CTBP2: variants seen among roughly 807,000 people sequenced by gnomAD.
The protein encoded by CTBP2 is C-terminal-binding protein 2.
A neutral mutation model predicts 80.3 loss-of-function variants in CTBP2; 30 were observed. That is an observed-to-expected ratio of 0.37 (90% confidence interval 0.28 to 0.51). CTBP2 has a LOEUF of 0.51. CTBP2 is among the 20% of genes least tolerant of loss of function. The probability of loss-of-function intolerance (pLI) is 0.93; values close to 1 mark genes in which losing one functional copy is unlikely to be tolerated. For synonymous variants in CTBP2, 594 were observed against 587.4 expected (o/e 1.01, Z -0.16); for missense variants, 1,212 against 1,375.3 (o/e 0.88, Z 1.88).
chr10:125,045,591 C>G (rs1040174154), intron 2 of CTBP2, among the ~76,000 whole-genome samples: 2 of 152,034 alleles, frequency 1.3e-5, no homozygotes, highest in African/African-American at 4.8e-5. Flanking sequence ...CTCCACTTCT[C>G]GAGTTCAAGT....
chr10:125,101,340 G>A (rs936133347), intron 2 of CTBP2, among the ~76,000 whole-genome samples: 8 of 152,194 alleles, frequency 5.3e-5, no homozygotes, highest in Non-Finnish European at 1.0e-4. Context: ...CAGGCAAATT[G>A]CAGAGACCTC....
At chr10:125,016,762 C>G (rs574658734) in intron 1 of CTBP2, among the ~76,000 whole-genome samples, 4 of 152,272 alleles carry the variant, frequency 2.6e-5, no homozygotes, top group Non-Finnish European at 5.9e-5. Flanking sequence ...GCCGCCTCCA[C>G]TCTTCTTTCT....
intron 1 of CTBP2, among the ~76,000 whole-genome samples, chr10:125,024,232 C>T (rs747005119): frequency 1.6e-4 from 25 of 152,234 alleles, no homozygotes; most frequent in Non-Finnish European, 3.1e-4. Context: ...GCCCCCTTCC[C>T]GACAGGGTGT....
intron 2 of CTBP2, among the ~76,000 whole-genome samples, chr10:125,086,529 C>T (rs745612818): frequency 1.1e-4 from 16 of 149,754 alleles, no homozygotes; most frequent in Non-Finnish European, 2.2e-4. Context: ...GCAGGAGAAT[C>T]GCTTGAACCT....
chr10:125,053,971 G>A (rs1039867902), intron 2 of CTBP2, among the ~76,000 whole-genome samples: 1 of 152,134 alleles, frequency 6.6e-6, no homozygotes, highest in African/African-American at 2.4e-5. Flanking sequence ...GGACTTCTGG[G>A]GAATCCGAAG....
At chr10:125,017,401 C>G (rs1447568520) in intron 1 of CTBP2, among the ~76,000 whole-genome samples, 1 of 152,160 alleles carries the variant, frequency 6.6e-6, no homozygotes, top group African/African-American at 2.4e-5. Context: ...TCTATGTGAT[C>G]AGTTTCCCTC....
Position 125,082,337 on chromosome 10 carries a change from G to C in CTBP2, c.-102+28653C>G, listed in dbSNP as rs191160798. Among the ~76,000 whole-genome samples the C allele has an allele frequency of 1.3e-3, 194 of 152,350 alleles. No homozygotes were observed. The Middle Eastern group carries it at 0.014, about 11-fold the overall frequency. On this transcript the variant is annotated intron_variant, in intron 2 of 10. Transcript: ENST00000337195. ...CCATGCTCCTTACAGCCAATGGGCA[G>C]ATTCACCTTGGAGATGCTGCCCTTC...
intron 2 of CTBP2, among the ~76,000 whole-genome samples, chr10:125,084,155 A>G (rs1370399203): frequency 1.3e-5 from 2 of 152,110 alleles, no homozygotes; most frequent in Non-Finnish European, 2.9e-5. Context: ...GATGTTATGT[A>G]TGTTGCCCAT....
intron 1 of CTBP2, among the ~76,000 whole-genome samples, chr10:125,154,004 G>A (rs1860480628): frequency 6.6e-6 from 1 of 152,198 alleles, no homozygotes; most frequent in Non-Finnish European, 1.5e-5. Context: ...CCAGGCTTCT[G>A]CCACAACGTG....
In CTBP2 at chr10:124,987,610, T is replaced by C. The variant is rs530514810; in HGVS notation, c.*1908A>G. 15 of 152,268 alleles carry C rather than the reference T, an allele frequency of 9.9e-5. No homozygotes were observed. The highest frequency in any genetic ancestry group is 3.6e-4 in the African/African-American group (15 of 41,564). 9.4% of individuals were successfully genotyped at this position (152,268 alleles called of 1,614,324 possible). ...ACTACCTTTTTGTTCCCTGGGGTAA[T>C]AGGTCAGTAACTATGAGCGCCGTCT... On this transcript the variant is annotated 3_prime_UTR_variant, in exon 9 of 9. Coordinates refer to ENST00000309035, the MANE Select transcript of CTBP2 (RefSeq NM_022802.3).
rs1952064404 is a variant in CTBP2, at chr10:124,986,993, G to A, written c.*2525C>T. On this transcript the variant is annotated 3_prime_UTR_variant, in exon 9 of 9. Transcript: ENST00000309035. ...ATTTATTTATTTATTATCAATCAGT[G>A]ACCCTGACCACATAGTGTGATAGGT... 6.6e-6 allele frequency: 1 copy of A among 150,398 alleles called. No individual in the cohort carries two copies. The highest frequency in any genetic ancestry group is 1.5e-5 in the Non-Finnish European group (1 of 67,078). The allele number at this position is 150,398 out of a possible 1,614,324, so 9.3% of individuals were successfully genotyped here. A position where few individuals can be genotyped will look rare whatever the true frequency, so the allele number is the denominator to read the frequency against.
At chr10:125,003,312 G>C (rs754593092) in intron 2 of CTBP2, 26 bp downstream of exon 4, 6 of 1,604,326 alleles carry the variant, frequency 3.7e-6, no homozygotes, top group Non-Finnish European at 5.1e-6. Flanking sequence ...GTCAGTGCAG[G>C]CCCCGGCCGG....
chr10:125,095,834 A>G (rs1252113058), intron 2 of CTBP2, among the ~76,000 whole-genome samples: 1 of 151,994 alleles, frequency 6.6e-6, no homozygotes, highest in Non-Finnish European at 1.5e-5. Flanking sequence ...CTCTGTGGTG[A>G]CTCCAGGTTT....
At chr10:125,108,515 G>A (rs186500085) in intron 2 of CTBP2, among the ~76,000 whole-genome samples, 2 of 152,196 alleles carry the variant, frequency 1.3e-5, no homozygotes, top group Admixed American at 6.5e-5. Context: ...TCCTTACTTT[G>A]GTTACAATCC....
chr10:125,086,613 T>TAAAAA (rs66522424), intron 2 of CTBP2, among the ~76,000 whole-genome samples: 151 of 116,432 alleles, frequency 1.3e-3, no homozygotes, highest in African/African-American at 4.3e-3. Context: ...AAATTTTATT[T>TAAAAA]AAAAAAAAAA....
intron 1 of CTBP2, among the ~76,000 whole-genome samples, chr10:125,127,653 C>T (rs2136098375): frequency 6.6e-6 from 1 of 152,254 alleles, no homozygotes; most frequent in African/African-American, 2.4e-5. Flanking sequence ...GCACAAGAAG[C>T]AGTTGTGGGA....
chr10:125,015,777 G>A (rs1956414534), intron 1 of CTBP2, among the ~76,000 whole-genome samples: 1 of 152,230 alleles, frequency 6.6e-6, no homozygotes, highest in Non-Finnish European at 1.5e-5. Context: ...GAAAAATAAG[G>A]GAAAATAGAG....
intron 2 of CTBP2, among the ~76,000 whole-genome samples, chr10:125,094,355 C>T (rs1849229671): frequency 6.6e-6 from 1 of 152,174 alleles, no homozygotes; most frequent in Non-Finnish European, 1.5e-5. Flanking sequence ...AAGCACCAGG[C>T]ATGTGGCGAC....
At chr10:125,158,129 TC>T (rs1861259989) in intron 1 of CTBP2, among the ~76,000 whole-genome samples, 1 of 151,912 alleles carries the variant, frequency 6.6e-6, no homozygotes, top group African/African-American at 2.4e-5. Context: ...CTTTAAAGTC[TC>T]ATTACTTCAA....
Sources: gnomAD v4.1 joint callset for allele counts (sites outside exome capture counted in the v4.1 genomes callset) on GRCh38, gnomAD v4.1.1 for gene constraint, MANE v1.5 for transcripts, NCBI Gene and HGNC (gene_info 2026-07-23, HGNC 2026-07-21) for gene names.